Variants in UQCC6 observed in about 807,000 individuals in gnomAD.
The protein encoded by UQCC6 is protein BRAWNIN.
chr12:103,955,673 A>T, the UQCC6 span: 2 of 412,556 alleles, frequency 4.8e-6, no homozygotes, highest in South Asian at 1.8e-5. Context: ...CTAAAAAAAG[A>T]AACACTAATG....
chr12:103,959,551 A>G, the UQCC6 span, among the ~76,000 whole-genome samples: 1 of 148,368 alleles, frequency 6.7e-6, no homozygotes, highest in African/African-American at 2.5e-5. Flanking sequence ...CATCTCTACT[A>G]AAATACAAAA....
chr12:103,952,430 T>C, the UQCC6 span, among the ~76,000 whole-genome samples: 1 of 152,254 alleles, frequency 6.6e-6, no homozygotes, highest in African/African-American at 2.4e-5. Flanking sequence ...CATCAGCTAA[T>C]AGGCATTTGG....
At chr12:103,962,071 C>G in the UQCC6 span, among the ~76,000 whole-genome samples, 1 of 152,256 alleles carries the variant, frequency 6.6e-6, no homozygotes, top group Admixed American at 6.5e-5. Flanking sequence ...AAAAAATCAC[C>G]TAGTGACATT....
At chr12:103,951,359 A>G in the UQCC6 span, 2 of 497,830 alleles carry the variant, frequency 4.0e-6, no homozygotes, top group Non-Finnish European at 3.6e-6. Flanking sequence ...TTCAAGAAAT[A>G]TCAATCAAAC....
At chr12:103,957,736 T>A in the UQCC6 span, among the ~76,000 whole-genome samples, 1 of 151,826 alleles carries the variant, frequency 6.6e-6, no homozygotes, top group African/African-American at 2.4e-5. Flanking sequence ...GGTTGTTTTT[T>A]AAGTAAAAGG....
At chr12:103,954,942 C>T in the UQCC6 span, 2 of 701,596 alleles carry the variant, frequency 2.9e-6, no homozygotes, top group Non-Finnish European at 5.2e-6. Flanking sequence ...GAGAAATCAA[C>T]TTCACTCTTC....
At chr12:103,963,029 C>T in the UQCC6 span, among the ~76,000 whole-genome samples, 5 of 150,622 alleles carry the variant, frequency 3.3e-5, no homozygotes, top group African/African-American at 9.8e-5. Flanking sequence ...GGACTCTATT[C>T]TGTTGCACTG....
At chr12:103,953,348 A>C in the UQCC6 span, 1 of 701,456 alleles carries the variant, frequency 1.4e-6, no homozygotes, top group Non-Finnish European at 2.6e-6. Flanking sequence ...CTAGCTTTCA[A>C]CCTGAACTAC....
chr12:103,962,627 T>G, the UQCC6 span, among the ~76,000 whole-genome samples: 1 of 152,210 alleles, frequency 6.6e-6, no homozygotes, highest in Non-Finnish European at 1.5e-5. Context: ...TACCACTCCT[T>G]TCCATGGTAA....
the UQCC6 span, among the ~76,000 whole-genome samples, chr12:103,958,649 G>C: frequency 6.6e-6 from 1 of 152,092 alleles, no homozygotes; most frequent in Non-Finnish European, 1.5e-5. Flanking sequence ...ACTCCTTATT[G>C]CTAGGTGGGT....
chr12:103,959,487 C>T, the UQCC6 span, among the ~76,000 whole-genome samples: 19 of 152,078 alleles, frequency 1.2e-4, no homozygotes, highest in African/African-American at 3.9e-4. Context: ...CCGAGGCAGG[C>T]GGATTGTCTG....
the UQCC6 span, among the ~76,000 whole-genome samples, chr12:103,954,144 A>T: frequency 3.3e-5 from 5 of 152,256 alleles, no homozygotes; most frequent in Non-Finnish European, 7.3e-5. Context: ...ATAGTTAAAA[A>T]GATTTAATAT....
At chr12:103,956,693 C>G in the UQCC6 span, 4 of 1,551,760 alleles carry the variant, frequency 2.6e-6, no homozygotes, top group Non-Finnish European at 3.5e-6. Context: ...AGGAGACTGG[C>G]TGCGAACATT....
the UQCC6 span, chr12:103,954,909 G>A: frequency 4.3e-6 from 3 of 698,766 alleles, no homozygotes; most frequent in Non-Finnish European, 7.8e-6. Context: ...TCCTCAAATC[G>A]TCTCACTAAG....
the UQCC6 span, chr12:103,957,230 G>T: frequency 1.3e-5 from 2 of 152,592 alleles, no homozygotes; most frequent in African/African-American, 2.4e-5. Context: ...ACCCGGGGCC[G>T]CACCGGACAG....
At chr12:103,956,378 AGGCAGC>A in the UQCC6 span, 1 of 369,198 alleles carries the variant, frequency 2.7e-6, no homozygotes, top group Non-Finnish European at 4.9e-6. Flanking sequence ...GGCCACAGGT[AGGCAGC>A]GGCCAGACTG....
At chr12:103,962,853 CTTGAT>C in the UQCC6 span, among the ~76,000 whole-genome samples, 3 of 152,238 alleles carry the variant, frequency 2.0e-5, no homozygotes, top group Non-Finnish European at 2.9e-5. Context: ...TCAGCTCACT[CTTGAT>C]TTATTTCCTG....
At chr12:103,956,407 C>T in the UQCC6 span, 1 of 486,452 alleles carries the variant, frequency 2.1e-6, no homozygotes, top group South Asian at 2.7e-5. Flanking sequence ...TAAGACCTCA[C>T]AGGCCATGCA....
chr12:103,962,074 G>T, the UQCC6 span, among the ~76,000 whole-genome samples: 15 of 152,254 alleles, frequency 9.9e-5, no homozygotes, highest in South Asian at 3.1e-3. Flanking sequence ...AAATCACCTA[G>T]TGACATTTCT....
Sources: gnomAD v4.1 joint callset for allele counts (sites outside exome capture counted in the v4.1 genomes callset) on GRCh38, gnomAD v4.1.1 for gene constraint, MANE v1.5 for transcripts, NCBI Gene and HGNC (gene_info 2026-07-23, HGNC 2026-07-21) for gene names.